RNF19B: variants seen among roughly 807,000 people sequenced by gnomAD.
RNF19B encodes E3 ubiquitin-protein ligase RNF19B.
In RNF19B, 23 loss-of-function variants were observed where a neutral mutation model predicts 65.5. The observed-to-expected ratio is 0.35, with a 90% confidence interval of 0.25 to 0.50. The LOEUF (loss-of-function observed/expected upper bound fraction) is 0.50, where lower values mean the gene tolerates loss of function less well. Ranked by LOEUF, RNF19B falls within the 20% of genes least tolerant of loss-of-function variation. The pLI is 0.98. For synonymous variants in RNF19B, 372 were observed against 379.6 expected, an observed-to-expected ratio of 0.98 and a Z score of 0.23; for missense variants, 794 against 980.0, an observed-to-expected ratio of 0.81 and a Z score of 2.53.
chr1:32,961,632 T>A (rs1162679334), intron 1 of RNF19B, among the ~76,000 whole-genome samples: 2 of 152,122 alleles, frequency 1.3e-5, no homozygotes, highest in African/African-American at 4.8e-5. Flanking sequence ...ATGACACATA[T>A]AAAAAAATAC....
Position 32,964,402 on chromosome 1 carries a change from G to GCCGCCGCGGCCT in RNF19B, c.272_283dup (p.Glu91_Ala94dup), listed in dbSNP as rs1642851585. 7.8e-7 allele frequency: 1 copy of GCCGCCGCGGCCT among 1,283,332 alleles called. No individual in the cohort carries two copies. The allele number at this position is 1,283,332 out of a possible 1,614,324, so 79.5% of individuals were successfully genotyped here. ...ATCGTCGAACCCAGGCTCCGCCGCC[G>GCCGCCGCGGCCT]CCGCCGCGGCCTCCGCCTCGGCCTC... On this transcript the variant is annotated inframe_insertion, in exon 1 of 9. Transcript: ENST00000235150. The surrounding 1 kb of genome is among the most constrained non-coding windows in gnomAD (Gnocchi z 6.5).
chr1:32,956,287 G>C (rs1316988279), intron 1 of RNF19B, among the ~76,000 whole-genome samples: 1 of 152,226 alleles, frequency 6.6e-6, no homozygotes, highest in Non-Finnish European at 1.5e-5. Flanking sequence ...TGAGGCAGGA[G>C]AATCACTTGA....
At chr1:32,958,942 G>T (rs1013639000) in intron 1 of RNF19B, among the ~76,000 whole-genome samples, 1 of 152,096 alleles carries the variant, frequency 6.6e-6, no homozygotes, top group Admixed American at 6.6e-5. Flanking sequence ...ACAAGAGGAG[G>T]GGGTGGTGTG....
chr1:32,949,142 T>C (rs1642431834), intron 2 of RNF19B, among the ~76,000 whole-genome samples: 1 of 152,216 alleles, frequency 6.6e-6, no homozygotes, highest in Non-Finnish European at 1.5e-5. Flanking sequence ...TCTATACTAA[T>C]ACTGTTTCCT....
chr1:32,949,893 AAAG>A (rs1642451637), intron 1 of RNF19B, 119 bp from the exon 2 acceptor site: 5 of 715,908 alleles, frequency 7.0e-6, no homozygotes, highest in African/African-American at 1.8e-5. Context: ...GATACAGAGA[AAAG>A]AATACACATA....
rs556834434 is a variant in RNF19B, at chr1:32,937,933, TAGA to T, written c.1742+461_1742+463del. 5.9e-4 allele frequency among the ~76,000 whole-genome samples: 90 copies of T among 151,812 alleles called. 1 individual carries two copies. The South Asian group carries it at 0.018, about 30-fold the overall frequency. The stretch of plus-strand genomic sequence containing the variant: ...AAGCTTTTTACTACCATGCCACAAG[TAGA>T]AGAAGCCAGAATACCTACTAGTGGG... On this transcript the variant is annotated intron_variant, in intron 8 of 8. Coordinates refer to ENST00000235150, the MANE Select transcript of RNF19B (RefSeq NM_001300826.2).
chr1:32,951,958 CTTTTTTTT>C (rs34442939), intron 1 of RNF19B, among the ~76,000 whole-genome samples: 1 of 123,170 alleles, frequency 8.1e-6, no homozygotes, highest in African/African-American at 3.1e-5. Context: ...CCACGCCCGG[CTTTTTTTT>C]TTTTTTTTTT....
chr1:32,937,409 C>CAAA, intron 8 of RNF19B, 150 bp from the exon 9 acceptor site: 6 of 1,220,902 alleles, frequency 4.9e-6, no homozygotes, highest in Non-Finnish European at 7.0e-6. Context: ...ACATTTTAAT[C>CAAA]TAACACTCAA....
At chr1:32,954,374 G>A (rs1642584779) in intron 1 of RNF19B, among the ~76,000 whole-genome samples, 1 of 151,818 alleles carries the variant, frequency 6.6e-6, no homozygotes, top group Admixed American at 6.6e-5. Flanking sequence ...ACGAGATTTG[G>A]CATTCCTGTT....
rs543875609 is a variant in RNF19B at position 32,954,751 on chromosome 1, A to C, written c.636-4977T>G. ...GGAATTCCATCTCAAAAAAAAAAAA[A>C]AACAATCTCCAAACCTTAGCTTCTA... On this transcript the variant is annotated intron_variant, in intron 1 of 8. Transcript: ENST00000235150. 1.8e-3 allele frequency among the ~76,000 whole-genome samples: 275 copies of C among 151,886 alleles called. 2 individuals are homozygous for C. The highest frequency in any genetic ancestry group is 6.0e-3 in the African/African-American group (250 of 41,490).
chr1:32,944,394 G>C (rs911714459), intron 5 of RNF19B, among the ~76,000 whole-genome samples: 2 of 152,156 alleles, frequency 1.3e-5, no homozygotes, highest in Non-Finnish European at 2.9e-5. Flanking sequence ...ATCTTCCCAG[G>C]GTTGTCAATA....
At chr1:32,942,610 T>C (rs1570088085) in intron 6 of RNF19B, 151 bp from the exon 7 acceptor site, 4 of 603,298 alleles carry the variant, frequency 6.6e-6, no homozygotes, top group Middle Eastern at 4.5e-4. Flanking sequence ...TTTTAACATA[T>C]GTTCATATTT....
At chr1:32,941,671 C>T (rs1028237128) in intron 7 of RNF19B, among the ~76,000 whole-genome samples, 2 of 152,200 alleles carry the variant, frequency 1.3e-5, no homozygotes, top group African/African-American at 2.4e-5. Flanking sequence ...CAGGCAGCCT[C>T]AGGCAGTCAA....
intron 7 of RNF19B, among the ~76,000 whole-genome samples, 173 bp downstream of exon 7, chr1:32,942,079 A>C (rs549749292): frequency 1.3e-5 from 2 of 152,366 alleles, no homozygotes; most frequent in Non-Finnish European, 2.9e-5. Context: ...CCTGAGCCAC[A>C]GAGTGAGACT....
downstream of RNF19B, among the ~76,000 whole-genome samples, chr1:32,935,033 T>G (rs1054663902): frequency 6.6e-6 from 1 of 151,792 alleles, no homozygotes; most frequent in Non-Finnish European, 1.5e-5. Flanking sequence ...GGTTTCACCA[T>G]GTTGGCCAGG....
chr1:32,955,762 A>AC (rs1642623929), intron 1 of RNF19B, among the ~76,000 whole-genome samples: 1 of 151,806 alleles, frequency 6.6e-6, no homozygotes, highest in East Asian at 1.9e-4. Context: ...AAAAAAAAAA[A>AC]AAGAAAAGAA....
chr1:32,952,871 C>G (rs1263350459), intron 1 of RNF19B, among the ~76,000 whole-genome samples: 1 of 149,944 alleles, frequency 6.7e-6, no homozygotes, highest in African/African-American at 2.5e-5. Context: ...CACGTTTGCG[C>G]CACTGCACTC....
chr1:32,930,940 T>G, the RNF19B span, among the ~76,000 whole-genome samples: 4 of 152,052 alleles, frequency 2.6e-5, no homozygotes, highest in East Asian at 7.7e-4. Flanking sequence ...ATACAAAAAG[T>G]AGCCAGGTGT....
chr1:32,942,596 G>A, intron 6 of RNF19B, 137 bp from the exon 7 acceptor site: 1 of 635,432 alleles, frequency 1.6e-6, no homozygotes, highest in South Asian at 2.4e-5. Context: ...CCACATATCA[G>A]GTGTTTTAAC....
Sources: allele counts gnomAD v4.1 joint callset (sites outside exome capture counted in the v4.1 genomes callset), GRCh38; gene constraint gnomAD v4.1.1; non-coding constraint Gnocchi (gnomAD v3.1); transcripts MANE v1.5; gene names NCBI Gene and HGNC (gene_info 2026-07-23, HGNC 2026-07-21).